GRM1: variants seen among roughly 807,000 people sequenced by gnomAD.
GRM1 encodes metabotropic glutamate receptor 1.
In GRM1, 33 loss-of-function variants were observed where a neutral mutation model predicts 90.9. The ratio of observed to expected loss-of-function variants is 0.36; its 90% CI spans 0.28 to 0.49. GRM1 has a LOEUF of 0.49. GRM1 is among the 20% of genes least tolerant of loss of function. GRM1 has a pLI of 0.99. For missense variants in GRM1, 1,190 were observed against 1,534.3 expected, an observed-to-expected ratio of 0.78 and a Z score of 3.75; for synonymous variants, 700 against 613.2, an observed-to-expected ratio of 1.14 and a Z score of -2.09.
chr6:146,245,092 C>G (rs951748174), intron 2 of GRM1, among the ~76,000 whole-genome samples: 3 of 152,098 alleles, frequency 2.0e-5, no homozygotes, highest in Admixed American at 6.5e-5. Context: ...TAATTGCAGT[C>G]CCTATGCCCT....
At chr6:146,121,826 T>G (rs1262215260) in intron 1 of GRM1, among the ~76,000 whole-genome samples, 2 of 152,224 alleles carry the variant, frequency 1.3e-5, no homozygotes, top group African/African-American at 2.4e-5. Flanking sequence ...TTCTTTTACA[T>G]TTGCTGAGCA....
chr6:146,405,681 ACAGCTCTGTTGTGTTTTTTT>A, intron 7 of GRM1, among the ~76,000 whole-genome samples: 1 of 151,064 alleles, frequency 6.6e-6, no homozygotes, highest in East Asian at 2.0e-4. Flanking sequence ...AGACAGCGAG[ACAGCTCTGTTGTGTTTTTTT>A]GTTTGTTTGT....
intron 5 of GRM1, chr6:146,364,953 C>T (rs1161983594): frequency 6.6e-6 from 1 of 152,098 alleles, no homozygotes; most frequent in East Asian, 1.9e-4. Flanking sequence ...TTTTTTCCCT[C>T]TTTGTGAATC....
intron 1 of GRM1, among the ~76,000 whole-genome samples, chr6:146,099,826 A>C (rs1476996434): frequency 2.0e-5 from 3 of 152,082 alleles, no homozygotes; most frequent in Admixed American, 2.0e-4. Context: ...GACTGTTTGC[A>C]TTTTGGGGCT....
intron 1 of GRM1, among the ~76,000 whole-genome samples, chr6:146,138,482 T>C (rs1310017181): frequency 6.6e-6 from 1 of 152,154 alleles, no homozygotes; most frequent in East Asian, 1.9e-4. Flanking sequence ...TTTGGTAAAA[T>C]TCAGCAGCAA....
intron 1 of GRM1, among the ~76,000 whole-genome samples, chr6:146,153,142 A>G (rs980890261): frequency 1.2e-4 from 18 of 152,292 alleles, no homozygotes; most frequent in African/African-American, 4.3e-4. Flanking sequence ...ATCTGCTTAT[A>G]TTTTAAGACT....
rs556676215 is a variant in GRM1 at position 146,284,447 on chromosome 6, G to A, written c.951-20164G>A. Among the ~76,000 whole-genome samples, 11 of 152,288 alleles carry A rather than the reference G, an allele frequency of 7.2e-5. No homozygotes were observed. The South Asian group carries it at 2.1e-3, about 29-fold the overall frequency. ...AATTATAATGAATGCTTCATTACAT[G>A]AGTAATGCAAAAAGAGGCTTTTAAG... On this transcript the variant is annotated intron_variant, in intron 2 of 7. Coordinates refer to ENST00000282753, the MANE Select transcript of GRM1 (RefSeq NM_001278064.2).
intron 1 of GRM1, among the ~76,000 whole-genome samples, chr6:146,080,465 G>A (rs975098358): frequency 4.6e-5 from 7 of 152,122 alleles, no homozygotes; most frequent in African/African-American, 1.7e-4. Flanking sequence ...GACACAGGGA[G>A]AGCCAGTTCT....
Position 146,318,634 on chromosome 6 carries a change from T to TTC in GRM1, c.1186+13789_1186+13790dup, listed in dbSNP as rs1784064161. Among the ~76,000 whole-genome samples the TTC allele has an allele frequency of 2.0e-5, 3 of 152,222 alleles. No individual in the cohort carries two copies. In the South Asian group the frequency reaches 6.2e-4, roughly 32 times the overall value. On this transcript the variant is annotated intron_variant, in intron 3 of 7. Transcript: ENST00000282753. ...CACTCCCACCAACAATGTAAAAGTG[T>TTC]TCCTATTTCTCCACATCCTCTCCAG...
intron 2 of GRM1, among the ~76,000 whole-genome samples, chr6:146,257,516 GTATATA>G (rs58614139): frequency 0.11 from 17,162 of 149,566 alleles, 1,928 homozygotes; most frequent in African/African-American, 0.29. Flanking sequence ...TAATATGTGT[GTATATA>G]TATATATATG....
At chr6:146,122,238 G>C (rs578175352) in intron 1 of GRM1, among the ~76,000 whole-genome samples, 3 of 152,040 alleles carry the variant, frequency 2.0e-5, no homozygotes, top group Non-Finnish European at 4.4e-5. Flanking sequence ...TTTTATTTTG[G>C]AGATTATACA....
At chr6:146,366,454 T>C (rs1034387370) in intron 5 of GRM1, among the ~76,000 whole-genome samples, 1 of 152,046 alleles carries the variant, frequency 6.6e-6, no homozygotes, top group Non-Finnish European at 1.5e-5. Flanking sequence ...TCTATCTAAC[T>C]GTATTTTTAT....
intron 3 of GRM1, among the ~76,000 whole-genome samples, chr6:146,325,563 T>G (rs1784373491): frequency 2.0e-5 from 3 of 152,204 alleles, no homozygotes; most frequent in African/African-American, 7.2e-5. Context: ...GCTCTCTTAG[T>G]GACAGTTTTC....
intron 2 of GRM1, among the ~76,000 whole-genome samples, chr6:146,231,600 C>A (rs906668649): frequency 6.6e-6 from 1 of 152,066 alleles, no homozygotes; most frequent in Non-Finnish European, 1.5e-5. Flanking sequence ...ATGTCATATA[C>A]TATATCAGGT....
intron 6 of GRM1, among the ~76,000 whole-genome samples, chr6:146,388,413 T>G (rs1776586041): frequency 6.6e-6 from 1 of 152,020 alleles, no homozygotes; most frequent in African/African-American, 2.4e-5. Context: ...AATATGCAAC[T>G]AAGAAATCAT....
At chr6:146,110,961 A>G (rs1162474653) in intron 1 of GRM1, among the ~76,000 whole-genome samples, 1 of 152,236 alleles carries the variant, frequency 6.6e-6, no homozygotes, top group African/African-American at 2.4e-5. Context: ...AAAGTTTAAA[A>G]CATTACAAAA....
intron 2 of GRM1, among the ~76,000 whole-genome samples, chr6:146,180,924 G>A (rs1000481371): frequency 6.6e-6 from 1 of 152,132 alleles, no homozygotes; most frequent in Non-Finnish European, 1.5e-5. Context: ...TTAGCTCTAG[G>A]TATAATGGCA....
intron 1 of GRM1, among the ~76,000 whole-genome samples, chr6:146,115,693 A>C (rs1419639136): frequency 6.6e-6 from 1 of 152,170 alleles, no homozygotes; most frequent in Non-Finnish European, 1.5e-5. Context: ...TGCTACTCCA[A>C]TTGTGAAGTG....
At chr6:146,273,614 C>T (rs886482747) in intron 2 of GRM1, among the ~76,000 whole-genome samples, 1 of 152,202 alleles carries the variant, frequency 6.6e-6, no homozygotes, top group Non-Finnish European at 1.5e-5. Context: ...GCTTAAGATG[C>T]ACCATTCTTA....
Sources: allele counts gnomAD v4.1 joint callset (sites outside exome capture counted in the v4.1 genomes callset), GRCh38; gene constraint gnomAD v4.1.1; transcripts MANE v1.5; gene names NCBI Gene and HGNC (gene_info 2026-07-23, HGNC 2026-07-21).